The following WDR47 variants were observed in gnomAD, a reference collection of about 807,000 sequenced individuals.
WDR47 encodes the protein WD repeat domain 47.
A neutral mutation model predicts 97.2 loss-of-function variants in WDR47; 32 were observed. The observed-to-expected ratio is 0.33, with a 90% CI of 0.25 to 0.44. The LOEUF (loss-of-function observed/expected upper bound fraction) is 0.44. Ranked by LOEUF, WDR47 falls within the 20% of genes least tolerant of loss-of-function variation. The pLI is 1.00. For synonymous variants in WDR47, 375 were observed against 373.5 expected (o/e 1.00, Z -0.05); for missense variants, 782 against 1,102.3 (o/e 0.71, Z 4.11).
At chr1:109,018,795 C>T (rs1435152880) in intron 2 of WDR47, among the ~76,000 whole-genome samples, 1 of 151,970 alleles carries the variant, frequency 6.6e-6, no homozygotes. Context: ...GCCTGGGCAA[C>T]AGAGTGAGAC....
intron 1 of WDR47, among the ~76,000 whole-genome samples, chr1:109,028,682 A>C (rs901377213): frequency 2.7e-5 from 4 of 146,708 alleles, no homozygotes; most frequent in African/African-American, 1.0e-4. Flanking sequence ...TGATCTCCTG[A>C]TCTCGTCATC....
Position 109,013,351 on chromosome 1 carries a change from C to T in WDR47, c.327+490G>A, listed in dbSNP as rs535644902. On this transcript the variant is annotated intron_variant, in intron 4 of 14. Coordinates refer to ENST00000369962, the MANE Select transcript of WDR47 (RefSeq NM_001142551.2). ...TACCAGAACTTAATACAAGTTTTCT[C>T]GGTTTTAGTATTACACTGAATCTTT... Among the ~76,000 whole-genome samples the T allele has an allele frequency of 5.3e-5, 8 of 152,136 alleles. No homozygotes were observed. In the South Asian group the frequency reaches 1.2e-3, roughly 24 times the overall value.
intron 2 of WDR47, among the ~76,000 whole-genome samples, chr1:109,022,170 T>C (rs1436562410): frequency 2.0e-5 from 3 of 152,074 alleles, no homozygotes; most frequent in Non-Finnish European, 1.5e-5. Flanking sequence ...AAATATAAGT[T>C]TGTAATCACA....
chr1:109,031,364 A>C (rs1662593442), intron 1 of WDR47, among the ~76,000 whole-genome samples: 1 of 140,464 alleles, frequency 7.1e-6, no homozygotes, highest in African/African-American at 2.6e-5. Context: ...AAAAGAAACT[A>C]ATATAAACTG....
chr1:108,991,000 T>G (rs934955570), intron 9 of WDR47, among the ~76,000 whole-genome samples: 6 of 151,326 alleles, frequency 4.0e-5, no homozygotes, highest in Non-Finnish European at 8.8e-5. Flanking sequence ...GGTTTTTTTT[T>G]GTTTTTTTTT....
rs376779742 is a variant in WDR47, at chr1:108,995,564, A to G, written c.1691+16T>C. 10 of 1,611,092 alleles carry G rather than the reference A, an allele frequency of 6.2e-6. No individual in the cohort carries two copies. In the Admixed American group the frequency reaches 1.5e-4, roughly 24 times the overall value. On this transcript the variant is annotated intron_variant, in intron 8 of 14. Transcript: ENST00000369962. ...GTAAGTTAATATTTCCAAGTTTTAC[A>G]AAGTCAAGCACTTACATTTGGCTTC...
intron 2 of WDR47, among the ~76,000 whole-genome samples, chr1:109,018,661 A>G (rs1661598433): frequency 6.6e-6 from 1 of 152,038 alleles, no homozygotes; most frequent in Non-Finnish European, 1.5e-5. Flanking sequence ...CAAAAAATAC[A>G]AAAATTAGCC....
At chr1:108,984,806 A>C (rs969602124) in intron 10 of WDR47, among the ~76,000 whole-genome samples, 2 of 152,202 alleles carry the variant, frequency 1.3e-5, no homozygotes, top group Admixed American at 1.3e-4. Context: ...TGAACCCAGG[A>C]GGTGGAGGTT....
intron 2 of WDR47, among the ~76,000 whole-genome samples, chr1:109,022,580 C>CT (rs574581017): frequency 7.9e-5 from 12 of 151,822 alleles, no homozygotes; most frequent in African/African-American, 2.2e-4. Flanking sequence ...GTAAATGTTC[C>CT]TTTTTTTTAT....
At chr1:108,997,609 A>T (rs535742059) in intron 7 of WDR47, among the ~76,000 whole-genome samples, 16 of 151,710 alleles carry the variant, frequency 1.1e-4, no homozygotes, top group African/African-American at 3.4e-4. Context: ...ACAAAAAAAA[A>T]ATTAGCCAGG....
Position 108,992,462 on chromosome 1 carries a change from C to T in WDR47, c.1692-1133G>A, listed in dbSNP as rs374016794. 1.0e-4 allele frequency: 161 copies of T among 1,583,664 alleles called. No homozygotes were observed. The East Asian group carries it at 1.3e-3, about 13-fold the overall frequency. On this transcript the variant is annotated intron_variant, in intron 8 of 14. Coordinates refer to ENST00000369962, the MANE Select transcript of WDR47 (RefSeq NM_001142551.2). ...TTTACAGAAACAGTGTGTACCATTC[C>T]GACGTTACAATGGTGGAGTTGGCAG...
intron 5 of WDR47, among the ~76,000 whole-genome samples, chr1:109,006,998 T>C (rs771156207): frequency 8.6e-5 from 13 of 151,868 alleles, no homozygotes; most frequent in Admixed American, 7.2e-4. Flanking sequence ...AGTACAGTGG[T>C]GCAATCAAGG....
chr1:108,984,646 G>A (rs184505612), intron 10 of WDR47, among the ~76,000 whole-genome samples: 237 of 152,260 alleles, frequency 1.6e-3, no homozygotes, highest in African/African-American at 5.5e-3. Flanking sequence ...TTGGGAGGCC[G>A]AGGAGGGCGG....
At chr1:108,992,597 G>C (rs959697501) in intron 8 of WDR47, 2 of 1,397,276 alleles carry the variant, frequency 1.4e-6, no homozygotes, top group Non-Finnish European at 1.0e-6. Flanking sequence ...TGAACTTAAG[G>C]GTTTAGATGT....
chr1:108,978,818 A>G (rs1179508604), intron 13 of WDR47, among the ~76,000 whole-genome samples: 1 of 152,236 alleles, frequency 6.6e-6, no homozygotes, highest in East Asian at 1.9e-4. Context: ...TTTGACAACC[A>G]GAAGTTTGTT....
intron 5 of WDR47, among the ~76,000 whole-genome samples, chr1:109,009,855 G>A (rs1264556172): frequency 6.6e-6 from 1 of 152,102 alleles, no homozygotes. Context: ...AAAATTAGTT[G>A]GGCGTGGTGG....
intron 7 of WDR47, 74 bp from the exon 8 acceptor site, chr1:108,995,911 T>G: frequency 6.9e-7 from 1 of 1,439,832 alleles, no homozygotes; most frequent in South Asian, 1.3e-5. Context: ...AGGTTAAAAG[T>G]GTGAAAAGGT....
At chr1:109,004,947 C>A (rs1660484712) in intron 5 of WDR47, among the ~76,000 whole-genome samples, 1 of 152,114 alleles carries the variant, frequency 6.6e-6, no homozygotes, top group Non-Finnish European at 1.5e-5. Flanking sequence ...CCTGCCACCA[C>A]ACCCGCCTAA....
chr1:108,999,268 A>T (rs1226665627), intron 7 of WDR47, among the ~76,000 whole-genome samples: 2 of 151,958 alleles, frequency 1.3e-5, no homozygotes, highest in Non-Finnish European at 2.9e-5. Flanking sequence ...AGAACAGAAT[A>T]GATAAGATTA....
Sources: allele counts gnomAD v4.1 joint callset (sites outside exome capture counted in the v4.1 genomes callset), GRCh38; gene constraint gnomAD v4.1.1; transcripts MANE v1.5; gene names NCBI Gene and HGNC (gene_info 2026-07-23, HGNC 2026-07-21).